JPT1: variants seen among roughly 807,000 people sequenced by gnomAD.
JPT1 encodes the protein Jupiter microtubule associated homolog 1.
A neutral mutation model predicts 17.0 loss-of-function variants in JPT1; 5 were observed. The observed-to-expected ratio is 0.29, with a 90% CI of 0.15 to 0.62. JPT1 has a LOEUF of 0.62. JPT1 is among the 20% of genes least tolerant of loss of function. The pLI is 0.85. For missense variants in JPT1, 158 were observed against 188.1 expected, an observed-to-expected ratio of 0.84 and a Z score of 0.94; for synonymous variants, 71 against 73.6, an observed-to-expected ratio of 0.96 and a Z score of 0.18.
At chr17:75,140,907 T>C (rs1255315025) in intron 4 of JPT1, among the ~76,000 whole-genome samples, 1 of 152,038 alleles carries the variant, frequency 6.6e-6, no homozygotes, top group Non-Finnish European at 1.5e-5. Context: ...CTGGGCAAGA[T>C]GGTGAAATCC....
At chr17:75,148,793 T>C (rs768598262) in intron 1 of JPT1, 122 bp from the exon 2 acceptor site, 103 of 1,152,394 alleles carry the variant, frequency 8.9e-5, no homozygotes, top group Non-Finnish European at 1.2e-4. Context: ...CTACAACAGA[T>C]AGCTGCTAAC....
intron 4 of JPT1, chr17:75,142,623 GAGGGAGGGGAGGGA>G: frequency 2.1e-5 from 2 of 97,350 alleles, no homozygotes; most frequent in South Asian, 9.1e-5. Flanking sequence ...GAGAGGAGGG[GAGGGAGGGGAGGGA>G]GGGGAGGGGG....
At chr17:75,138,560 A>T (rs980899269) in intron 4 of JPT1, 1 of 151,754 alleles carries the variant, frequency 6.6e-6, no homozygotes, top group Non-Finnish European at 1.5e-5. Flanking sequence ...GGCGCCCGCC[A>T]CCATGCCCAG....
chr17:75,147,825 C>G (rs1458336772), intron 2 of JPT1, 172 bp from the exon 3 acceptor site: 3 of 562,066 alleles, frequency 5.3e-6, no homozygotes, highest in African/African-American at 1.9e-5. Flanking sequence ...ATGGTAAAAC[C>G]CTGTCTCTAC....
chr17:75,144,995 T>G (rs1257160622), intron 4 of JPT1, among the ~76,000 whole-genome samples: 2 of 149,394 alleles, frequency 1.3e-5, no homozygotes, highest in Non-Finnish European at 3.0e-5. Flanking sequence ...AGAAACACTG[T>G]GAGGCCGGGC....
intron 4 of JPT1, among the ~76,000 whole-genome samples, chr17:75,136,524 C>G (rs148741216): frequency 6.6e-6 from 1 of 152,058 alleles, no homozygotes; most frequent in Non-Finnish European, 1.5e-5. Flanking sequence ...GACGGAGTCT[C>G]GCTGTTGCCC....
At chr17:75,154,304 C>A in intron 1 of JPT1, 38 bp downstream of exon 1, 1 of 1,517,312 alleles carries the variant, frequency 6.6e-7, no homozygotes, top group Non-Finnish European at 8.8e-7. Context: ...CCCAGCCCCT[C>A]AGCCCCGCGC....
chr17:75,154,318 T>A (rs2074600826), intron 1 of JPT1, 24 bp downstream of exon 1: 3 of 1,536,030 alleles, frequency 2.0e-6, no homozygotes, highest in Non-Finnish European at 2.6e-6. Flanking sequence ...CCCGCGCGGC[T>A]CGGGCGCGAC....
chr17:75,148,454 G>C, intron 2 of JPT1, 75 bp downstream of exon 2: 1 of 1,533,402 alleles, frequency 6.5e-7, no homozygotes, highest in South Asian at 1.2e-5. Context: ...GGCACATGCT[G>C]GTGCCCAAGC....
Position 75,135,891 on chromosome 17 carries a change from C to T in JPT1, c.*211G>A, listed in dbSNP as rs2074183504. On this transcript the variant is annotated 3_prime_UTR_variant, in exon 5 of 5. Transcript: ENST00000409753. ...GTCACAAAGCTTTCCCTCCAATCTACTACTAGAAAACACTCATGCCATGGC... is the reference window on the plus strand; with the variant it reads ...GTCACAAAGCTTTCCCTCCAATCTATTACTAGAAAACACTCATGCCATGGC... 1 of 990,300 alleles carries T rather than the reference C, an allele frequency of 1.0e-6. No individual in the cohort carries two copies. Among genetic ancestry groups the T allele is most frequent in the South Asian group, 1.7e-5 (1 of 59,220 alleles). The allele number at this position is 990,300 out of a possible 1,614,324, so 61.3% of individuals were successfully genotyped here. A position where few individuals can be genotyped will look rare whatever the true frequency, so the allele number is the denominator to read the frequency against.
intron 4 of JPT1, chr17:75,142,818 T>A: frequency 2.2e-6 from 1 of 455,902 alleles, no homozygotes; most frequent in South Asian, 1.5e-5. Flanking sequence ...AATTAATACA[T>A]ACATCTTCGG....
At chr17:75,153,041 G>A (rs2074578251) in intron 1 of JPT1, 1 of 152,120 alleles carries the variant, frequency 6.6e-6, no homozygotes, top group Non-Finnish European at 1.5e-5. Flanking sequence ...GTGAGATATG[G>A]CTATTTCACG....
intron 4 of JPT1, chr17:75,146,376 CT>C (rs1484893198): frequency 3.4e-6 from 1 of 294,244 alleles, no homozygotes. Context: ...TGGTCTTGAA[CT>C]CCTGGGCTCA....
intron 4 of JPT1, among the ~76,000 whole-genome samples, chr17:75,137,244 C>A (rs2074215711): frequency 1.3e-5 from 2 of 151,914 alleles, no homozygotes; most frequent in Admixed American, 1.3e-4. Context: ...ATTCAAAGTG[C>A]AAAGTGAATG....
At chr17:75,153,064 C>T (rs1598211802) in intron 1 of JPT1, 1 of 152,196 alleles carries the variant, frequency 6.6e-6, no homozygotes, top group East Asian at 1.9e-4. Context: ...TCTTCTTAGC[C>T]CCACAAAATG....
chr17:75,149,651 G>A (rs2074507458), intron 1 of JPT1, among the ~76,000 whole-genome samples: 1 of 152,140 alleles, frequency 6.6e-6, no homozygotes, highest in African/African-American at 2.4e-5. Flanking sequence ...ACAGGCATGA[G>A]CCACCACGCC....
intron 4 of JPT1, among the ~76,000 whole-genome samples, chr17:75,137,836 C>A (rs556425080): frequency 6.8e-6 from 1 of 146,034 alleles, no homozygotes; most frequent in Non-Finnish European, 1.5e-5. Context: ...TTAGTAGAGA[C>A]GGGGTTTCGC....
Position 75,154,473 on chromosome 17 carries a change from C to A in JPT1, c.-76G>T. On this transcript the variant is annotated 5_prime_UTR_variant, in exon 1 of 5. Transcript: ENST00000409753. ...CGGACCCGAGGGGCGCTGGGAAACT[C>A]CACACCCAACAGCCGACCACCGCTG... is the stretch of plus-strand genomic sequence containing the variant. 4 of 1,373,548 alleles carry A rather than the reference C, an allele frequency of 2.9e-6. No individual in the cohort carries two copies. Among genetic ancestry groups the A allele is most frequent in the Middle Eastern group, 2.0e-4 (1 of 5,102 alleles). The allele number at this position is 1,373,548 out of a possible 1,614,324, so 85.1% of individuals were successfully genotyped here. A position where few individuals can be genotyped will look rare whatever the true frequency, so the allele number is the denominator to read the frequency against.
At chr17:75,138,469 C>T (rs182000339) in intron 4 of JPT1, 43 of 149,370 alleles carry the variant, frequency 2.9e-4, no homozygotes, top group African/African-American at 9.4e-4. Flanking sequence ...AGTAAAGTAG[C>T]GTGATCCTGG....
Sources: allele counts gnomAD v4.1 joint callset (sites outside exome capture counted in the v4.1 genomes callset), GRCh38; gene constraint gnomAD v4.1.1; transcripts MANE v1.5; gene names NCBI Gene and HGNC (gene_info 2026-07-23, HGNC 2026-07-21).